The following TRIM44 variants were observed in gnomAD, a reference collection of about 807,000 sequenced individuals.
TRIM44 encodes the protein tripartite motif-containing protein 44.
A neutral mutation model predicts 37.4 loss-of-function variants in TRIM44; 13 were observed. The observed-to-expected ratio is 0.35, with a 90% CI of 0.23 to 0.55. TRIM44 has a LOEUF of 0.55. Among genes scored for constraint, TRIM44 ranks in the 20% least tolerant of loss-of-function variants. TRIM44 has a pLI of 0.89. For missense variants in TRIM44, 426 were observed against 437.2 expected (o/e 0.97, Z 0.23); for synonymous variants, 175 against 157.2 (o/e 1.11, Z -0.85).
chr11:35,746,919 A>G (rs1007916477), intron 4 of TRIM44, among the ~76,000 whole-genome samples: 4 of 152,228 alleles, frequency 2.6e-5, no homozygotes, highest in African/African-American at 7.2e-5. Flanking sequence ...CAATGTGGTT[A>G]TAAAATGGAA....
intron 4 of TRIM44, among the ~76,000 whole-genome samples, chr11:35,736,907 T>C (rs1256921743): frequency 8.5e-5 from 13 of 152,338 alleles, no homozygotes; most frequent in African/African-American, 2.6e-4. Context: ...ACTGTGTGTC[T>C]GGCACTGTGC....
Position 35,813,019 on chromosome 11 carries a change from A to C in TRIM44, c.*6634A>C, listed in dbSNP as rs576923281. The C allele has an allele frequency of 1.3e-5, 2 of 152,182 alleles. No individual in the cohort carries two copies. The highest frequency in any genetic ancestry group is 4.8e-5 in the African/African-American group (2 of 41,442). 9.4% of individuals were successfully genotyped at this position (152,182 alleles called of 1,614,324 possible). Reference sequence around the variant, plus strand: ...CACTGAGTCTGTGATTTAATTAAACATGTTGAAGGCTCTCCAACAGCTTGA... The same window carrying C: ...CACTGAGTCTGTGATTTAATTAAACCTGTTGAAGGCTCTCCAACAGCTTGA... On this transcript the variant is annotated 3_prime_UTR_variant, in exon 5 of 5. Coordinates refer to ENST00000299413, the MANE Select transcript of TRIM44 (RefSeq NM_017583.6).
chr11:35,696,672 C>A (rs1185913182), intron 2 of TRIM44, among the ~76,000 whole-genome samples: 1 of 151,330 alleles, frequency 6.6e-6, no homozygotes, highest in Non-Finnish European at 1.5e-5. Flanking sequence ...CGTGGTGAAA[C>A]CCCATCTCTA....
At chr11:35,693,601 G>GTTGGTT in intron 2 of TRIM44, among the ~76,000 whole-genome samples, 1 of 152,252 alleles carries the variant, frequency 6.6e-6, no homozygotes, top group Non-Finnish European at 1.5e-5. Context: ...GGTTTGGTCT[G>GTTGGTT]TTGGGGCCTA....
At chr11:35,782,777 G>C (rs1215460888) in intron 4 of TRIM44, among the ~76,000 whole-genome samples, 3 of 152,142 alleles carry the variant, frequency 2.0e-5, no homozygotes, top group African/African-American at 7.2e-5. Flanking sequence ...CTGCAGTGTA[G>C]GCTAGATACA....
chr11:35,679,714 C>T (rs1486770808), intron 1 of TRIM44, among the ~76,000 whole-genome samples: 1 of 152,098 alleles, frequency 6.6e-6, no homozygotes, highest in East Asian at 1.9e-4. Context: ...GTCATATGTC[C>T]TCATTTTTAA....
At chr11:35,744,291 A>C (rs1455048387) in intron 4 of TRIM44, among the ~76,000 whole-genome samples, 1 of 152,216 alleles carries the variant, frequency 6.6e-6, no homozygotes, top group Non-Finnish European at 1.5e-5. Context: ...GAAGATACTC[A>C]TGCTAAAAAA....
intron 4 of TRIM44, among the ~76,000 whole-genome samples, chr11:35,746,435 C>T (rs1402934468): frequency 2.3e-5 from 3 of 132,156 alleles, no homozygotes; most frequent in South Asian, 5.1e-4. Context: ...CAGCAGCTTC[C>T]GGGGGTCCTT....
chr11:35,702,974 G>T (rs573410305), intron 2 of TRIM44, among the ~76,000 whole-genome samples: 1 of 152,364 alleles, frequency 6.6e-6, no homozygotes, highest in East Asian at 1.9e-4. Context: ...CTTGGGAAGC[G>T]CAAGGGGTCA....
At chr11:35,745,037 G>T (rs182814617) in intron 4 of TRIM44, among the ~76,000 whole-genome samples, 76 of 152,266 alleles carry the variant, frequency 5.0e-4, no homozygotes, top group Middle Eastern at 6.8e-3. Context: ...ATATATGCAT[G>T]CATGTATCTT....
chr11:35,739,142 C>G (rs1469927393), intron 4 of TRIM44, among the ~76,000 whole-genome samples: 2 of 152,086 alleles, frequency 1.3e-5, no homozygotes, highest in Non-Finnish European at 2.9e-5. Context: ...TGCAGTTATT[C>G]TGCTAATTTA....
intron 2 of TRIM44, among the ~76,000 whole-genome samples, chr11:35,705,929 A>G (rs1156803809): frequency 1.3e-5 from 2 of 148,918 alleles, no homozygotes; most frequent in Non-Finnish European, 3.0e-5. Flanking sequence ...AACTGAAGGA[A>G]ACAGAGACAC....
At chr11:35,755,140 A>G (rs950810522) in intron 4 of TRIM44, among the ~76,000 whole-genome samples, 3 of 152,062 alleles carry the variant, frequency 2.0e-5, no homozygotes, top group South Asian at 2.1e-4. Flanking sequence ...AAGTGTTCCT[A>G]TTTCTCCACA....
chr11:35,670,428 T>C (rs1049708756), intron 1 of TRIM44, among the ~76,000 whole-genome samples: 2 of 152,238 alleles, frequency 1.3e-5, no homozygotes, highest in Non-Finnish European at 2.9e-5. Flanking sequence ...TAAGTAGTGC[T>C]AGTCAGGTAT....
At chr11:35,670,536 T>C (rs1299054452) in intron 1 of TRIM44, among the ~76,000 whole-genome samples, 3 of 152,234 alleles carry the variant, frequency 2.0e-5, no homozygotes, top group African/African-American at 7.2e-5. Context: ...TCTTCTACGC[T>C]TTGTTTTTTA....
chr11:35,722,826 A>G (rs1361320987), intron 2 of TRIM44, among the ~76,000 whole-genome samples: 1 of 152,184 alleles, frequency 6.6e-6, no homozygotes, highest in Non-Finnish European at 1.5e-5. Context: ...CCCAGCCTGT[A>G]TTCAAAATGG....
intron 4 of TRIM44, among the ~76,000 whole-genome samples, chr11:35,795,950 T>TTTAATCCTTCC (rs1287792431): frequency 6.6e-6 from 1 of 152,234 alleles, no homozygotes; most frequent in African/African-American, 2.4e-5. Flanking sequence ...ATTAATCTAA[T>TTTAATCCTTCC]TTAATCCTTC....
chr11:35,773,104 G>C (rs1049571016), intron 4 of TRIM44, among the ~76,000 whole-genome samples: 1 of 152,116 alleles, frequency 6.6e-6, no homozygotes, highest in African/African-American at 2.4e-5. Flanking sequence ...TTTCCGCTTT[G>C]GCATCTTCCT....
intron 4 of TRIM44, among the ~76,000 whole-genome samples, chr11:35,777,558 T>C (rs1244799486): frequency 3.3e-5 from 5 of 152,330 alleles, no homozygotes; most frequent in African/African-American, 1.2e-4. Context: ...CGATGGTCTT[T>C]ACAATTTGGC....
Sources: gnomAD v4.1 joint callset for allele counts (sites outside exome capture counted in the v4.1 genomes callset) on GRCh38, gnomAD v4.1.1 for gene constraint, MANE v1.5 for transcripts, NCBI Gene and HGNC (gene_info 2026-07-23, HGNC 2026-07-21) for gene names.